Variants in RGS10 observed in about 807,000 individuals in gnomAD.
RGS10 encodes regulator of G-protein signalling 10.
RGS10 carries 11 observed loss-of-function variants against 23.5 expected under a neutral mutation model. The observed-to-expected ratio is 0.47, with a 90% CI of 0.29 to 0.77. The LOEUF is 0.77. Ranked by LOEUF, RGS10 falls within the 30% of genes least tolerant of loss-of-function variation. RGS10 has a pLI of 0.08. For missense variants in RGS10, 180 were observed against 226.3 expected (o/e 0.80, Z 1.31); for synonymous variants, 77 against 83.2 (o/e 0.92, Z 0.41).
In RGS10 at chr10:119,542,652, C is replaced by A; in HGVS notation, c.-14G>T. The A allele has an allele frequency of 7.2e-7, 1 of 1,387,310 alleles. No individual in the cohort carries two copies. Among genetic ancestry groups the A allele is most frequent in the Non-Finnish European group, 9.4e-7 (1 of 1,068,496 alleles). The allele number at this position is 1,387,310 out of a possible 1,614,324, so 85.9% of individuals were successfully genotyped here. A position where few individuals can be genotyped will look rare whatever the true frequency, so the allele number is the denominator to read the frequency against. ...GCGGTTGAACATCGCCGCGGGCGCCCGAGGAGGAAGAAGGAGCAGCCCGGC... is the reference window on the plus strand; with the variant it reads ...GCGGTTGAACATCGCCGCGGGCGCCAGAGGAGGAAGAAGGAGCAGCCCGGC... On this transcript the variant is annotated 5_prime_UTR_variant, in exon 1 of 5. Transcript: ENST00000369103.
intron 4 of RGS10, among the ~76,000 whole-genome samples, chr10:119,509,917 A>G (rs1218743632): frequency 6.7e-6 from 1 of 148,382 alleles, no homozygotes; most frequent in African/African-American, 2.5e-5. Context: ...TGAATCTGGC[A>G]TCTCCATATC....
chr10:119,504,252 C>T (rs1226498416), intron 4 of RGS10, among the ~76,000 whole-genome samples: 3 of 152,222 alleles, frequency 2.0e-5, no homozygotes, highest in Non-Finnish European at 2.9e-5. Flanking sequence ...TGCAGTGGCA[C>T]GATCTTGGCT....
intron 3 of RGS10, among the ~76,000 whole-genome samples, chr10:119,519,284 C>T (rs1844181973): frequency 6.6e-6 from 1 of 152,040 alleles, no homozygotes; most frequent in East Asian, 1.9e-4. Flanking sequence ...GTCTGTCCCC[C>T]AGCTCCTGTC....
intron 1 of RGS10, among the ~76,000 whole-genome samples, chr10:119,540,596 T>G (rs1355028821): frequency 6.6e-6 from 1 of 152,092 alleles, no homozygotes; most frequent in African/African-American, 2.4e-5. Context: ...TTTTATGAGG[T>G]TTAAAATTTG....
chr10:119,516,502 G>C (rs1844144946), intron 3 of RGS10: 1 of 152,178 alleles, frequency 6.6e-6, no homozygotes, highest in South Asian at 2.1e-4. Context: ...TCTGAATTCT[G>C]CTCAGTTCCA....
At chr10:119,506,092 G>A (rs911018430) in intron 4 of RGS10, among the ~76,000 whole-genome samples, 3 of 152,160 alleles carry the variant, frequency 2.0e-5, no homozygotes, top group Non-Finnish European at 4.4e-5. Flanking sequence ...TTGTACCCAC[G>A]CGAGGAGACA....
At chr10:119,521,150 T>A (rs939252305) in intron 3 of RGS10, among the ~76,000 whole-genome samples, 5 of 150,338 alleles carry the variant, frequency 3.3e-5, no homozygotes, top group Admixed American at 6.6e-5. Context: ...GCGAGAGGAT[T>A]TCTTTTGGGA....
At chr10:119,513,652 TCA>T (rs1844103289) in intron 4 of RGS10, among the ~76,000 whole-genome samples, 1 of 152,156 alleles carries the variant, frequency 6.6e-6, no homozygotes, top group Non-Finnish European at 1.5e-5. Flanking sequence ...GCTGGATCTC[TCA>T]GAGCCTGCAG....
intron 3 of RGS10, among the ~76,000 whole-genome samples, chr10:119,522,755 G>A (rs1004136885): frequency 2.6e-5 from 4 of 151,346 alleles, no homozygotes; most frequent in Non-Finnish European, 5.9e-5. Context: ...TCAGTTAGGC[G>A]ACTTCTCCCA....
chr10:119,520,496 C>T (rs923811897), intron 3 of RGS10, among the ~76,000 whole-genome samples: 2 of 152,146 alleles, frequency 1.3e-5, no homozygotes, highest in African/African-American at 2.4e-5. Context: ...GTGGCTCCCC[C>T]GCCACCTTCA....
rs1158088660 is a variant in RGS10, at chr10:119,515,764, A to AC, written c.256-113dup. On this transcript the variant is annotated intron_variant, in intron 3 of 4. Transcript: ENST00000369103. ...GGAGCTGCTGTGGCAAGAGAAAGGC[A>AC]CCCCCCACAGCCCAGGGGCTCTCAG... The AC allele has an allele frequency of 7.6e-6, 10 of 1,316,284 alleles. No homozygotes were observed. The Admixed American group carries it at 9.3e-5, about 12-fold the overall frequency. 81.5% of individuals were successfully genotyped at this position (1,316,284 alleles called of 1,614,324 possible). A position where few individuals can be genotyped will look rare whatever the true frequency, so the allele number is the denominator to read the frequency against.
chr10:119,518,497 T>C (rs1449123555), intron 3 of RGS10, among the ~76,000 whole-genome samples: 2 of 152,164 alleles, frequency 1.3e-5, no homozygotes, highest in Non-Finnish European at 2.9e-5. Context: ...AGGTGCACGA[T>C]CAGGAGAAGC....
chr10:119,539,960 A>C (rs1589844705), intron 1 of RGS10, among the ~76,000 whole-genome samples: 1 of 3,130 alleles, frequency 3.2e-4, no homozygotes, highest in Non-Finnish European at 0.022. Context: ...TCAAAATTAC[A>C]AAAAAAAAAA....
In RGS10 at chr10:119,505,079, AG is replaced by A. The variant is rs1428185828; in HGVS notation, c.400-4821del. Among the ~76,000 whole-genome samples, 3 of 152,256 alleles carry A rather than the reference AG, an allele frequency of 2.0e-5. No individual in the cohort carries two copies. In the South Asian group the frequency reaches 6.2e-4, roughly 32 times the overall value. Reference sequence around the variant, plus strand: ...GGGGTCCCAGACAGTTCCAACAAGCAGGGATCCCTGAGGGGGAGACATGACC... The same window carrying A: ...GGGGTCCCAGACAGTTCCAACAAGCAGGATCCCTGAGGGGGAGACATGACC... On this transcript the variant is annotated intron_variant, in intron 4 of 4. Coordinates refer to ENST00000369103, the MANE Select transcript of RGS10 (RefSeq NM_001005339.2).
At chr10:119,512,603 A>G (rs1844091235) in intron 4 of RGS10, among the ~76,000 whole-genome samples, 1 of 152,034 alleles carries the variant, frequency 6.6e-6, no homozygotes, top group South Asian at 2.1e-4. Flanking sequence ...GCTGGAGTGC[A>G]GTGGCACTAT....
At chr10:119,542,191 C>A (rs980669010) in intron 1 of RGS10, among the ~76,000 whole-genome samples, 1 of 152,206 alleles carries the variant, frequency 6.6e-6, no homozygotes, top group African/African-American at 2.4e-5. Context: ...CCCGGGCGCT[C>A]GGCATCCTTC....
In RGS10 at chr10:119,514,650, T is replaced by C. The variant is rs1844120089; in HGVS notation, c.399+859A>G. ...TCCATCCTGGGAGACAGAGTAAGAC[T>C]CGGTATTAAAAAAAAAAAAAAAAAA... On this transcript the variant is annotated intron_variant, in intron 4 of 4. Transcript: ENST00000369103. 6.4e-5 allele frequency among the ~76,000 whole-genome samples: 6 copies of C among 93,600 alleles called. No individual in the cohort carries two copies. In the Admixed American group the frequency reaches 7.7e-4, roughly 12 times the overall value. The allele number at this position is 93,600 out of a possible 152,430, so 61.4% of individuals were successfully genotyped here. A position where few individuals can be genotyped will look rare whatever the true frequency, so the allele number is the denominator to read the frequency against.
At chr10:119,539,244 A>T (rs1400273773) in intron 1 of RGS10, among the ~76,000 whole-genome samples, 1 of 152,264 alleles carries the variant, frequency 6.6e-6, no homozygotes, top group Non-Finnish European at 1.5e-5. Flanking sequence ...CCTGCTGCCG[A>T]GTTGTTAAAA....
intron 1 of RGS10, among the ~76,000 whole-genome samples, chr10:119,533,346 A>G (rs145475693): frequency 3.7e-4 from 54 of 147,716 alleles, no homozygotes; most frequent in Non-Finnish European, 6.5e-4. Flanking sequence ...AAAAAAGTTT[A>G]AAAAAAAAAA....
Sources: allele counts gnomAD v4.1 joint callset (sites outside exome capture counted in the v4.1 genomes callset), GRCh38; gene constraint gnomAD v4.1.1; transcripts MANE v1.5; gene names NCBI Gene and HGNC (gene_info 2026-07-23, HGNC 2026-07-21).